The following CDKAL1 variants were observed in gnomAD, a reference collection of about 807,000 sequenced individuals.
The protein encoded by CDKAL1 is threonylcarbamoyladenosine tRNA methylthiotransferase.
A neutral mutation model predicts 68.2 loss-of-function variants in CDKAL1; 32 were observed. The observed-to-expected ratio is 0.47, with a 90% CI of 0.35 to 0.63. The LOEUF is 0.63. Among genes scored for constraint, CDKAL1 ranks in the 30% least tolerant of loss-of-function variants. The pLI is 0.00. For missense variants in CDKAL1, 606 were observed against 696.7 expected (o/e 0.87, Z 1.47); for synonymous variants, 234 against 244.3 (o/e 0.96, Z 0.39).
At chr6:21,063,421 A>G (rs540290511) in intron 11 of CDKAL1, among the ~76,000 whole-genome samples, 56 of 152,354 alleles carry the variant, frequency 3.7e-4, no homozygotes, top group African/African-American at 1.3e-3. Context: ...CAAGATGCCA[A>G]CATTTGGGCC....
At chr6:20,778,880 T>C (rs541935173) in intron 7 of CDKAL1, among the ~76,000 whole-genome samples, 2 of 152,272 alleles carry the variant, frequency 1.3e-5, no homozygotes, top group African/African-American at 4.8e-5. Flanking sequence ...AGTGTACCAA[T>C]TCAAATGTTA....
At chr6:21,191,190 T>A (rs1402234097) in intron 13 of CDKAL1, among the ~76,000 whole-genome samples, 1 of 152,242 alleles carries the variant, frequency 6.6e-6, no homozygotes, top group African/African-American at 2.4e-5. Context: ...TTATATAGCC[T>A]TGTAGAATAT....
intron 10 of CDKAL1, among the ~76,000 whole-genome samples, chr6:20,966,745 TA>T (rs1164218452): frequency 6.6e-6 from 1 of 152,216 alleles, no homozygotes; most frequent in African/African-American, 2.4e-5. Flanking sequence ...AAAATATTTT[TA>T]AAAGCATACT....
intron 15 of CDKAL1, 88 bp from the exon 16 acceptor site, chr6:21,230,760 C>T: frequency 9.4e-7 from 1 of 1,060,434 alleles, no homozygotes; most frequent in Non-Finnish European, 1.3e-6. Flanking sequence ...AAAGGCGGCA[C>T]CTTCTGGAAC....
chr6:21,098,534 CTT>C (rs34764667), intron 12 of CDKAL1, among the ~76,000 whole-genome samples: 2,881 of 80,998 alleles, frequency 0.036, 60 homozygotes, highest in African/African-American at 0.094. Flanking sequence ...GGGTACACAG[CTT>C]TTTTTTTTTT....
At chr6:20,581,572 C>T (rs1765145410) in intron 4 of CDKAL1, among the ~76,000 whole-genome samples, 1 of 151,726 alleles carries the variant, frequency 6.6e-6, no homozygotes, top group African/African-American at 2.4e-5. Context: ...CTTTTAATGC[C>T]ATTCTTTATG....
At chr6:20,764,763 C>T (rs923065781) in intron 7 of CDKAL1, among the ~76,000 whole-genome samples, 13 of 152,062 alleles carry the variant, frequency 8.5e-5, no homozygotes, top group African/African-American at 2.7e-4. Flanking sequence ...GGTATTGGAC[C>T]ACAAAAGCAC....
chr6:20,759,251 A>C (rs1425617134), intron 7 of CDKAL1, among the ~76,000 whole-genome samples: 1 of 152,176 alleles, frequency 6.6e-6, no homozygotes, highest in Non-Finnish European at 1.5e-5. Context: ...ATTTTAAGAT[A>C]AAGAAATTTT....
intron 13 of CDKAL1, among the ~76,000 whole-genome samples, chr6:21,179,454 C>G (rs143536898): frequency 7.2e-5 from 11 of 152,216 alleles, no homozygotes; most frequent in African/African-American, 2.6e-4. Flanking sequence ...GCATTTATTT[C>G]CCTGTATTTT....
chr6:21,132,326 G>A (rs1224615664), intron 13 of CDKAL1, among the ~76,000 whole-genome samples: 1 of 151,950 alleles, frequency 6.6e-6, no homozygotes, highest in Non-Finnish European at 1.5e-5. Flanking sequence ...TGTGATTTAC[G>A]CAGAATTTAT....
intron 9 of CDKAL1, among the ~76,000 whole-genome samples, chr6:20,853,917 T>C (rs1470052972): frequency 1.3e-5 from 2 of 152,202 alleles, no homozygotes; most frequent in African/African-American, 2.4e-5. Context: ...ACACAATCGT[T>C]GTTAATTTGC....
At chr6:21,205,954 C>T (rs570534018) in intron 15 of CDKAL1, among the ~76,000 whole-genome samples, 3 of 150,200 alleles carry the variant, frequency 2.0e-5, no homozygotes, top group Admixed American at 6.7e-5. Flanking sequence ...CCTGCCTCAA[C>T]CTCCCGAATA....
rs148509662 is a variant in CDKAL1 at position 20,784,960 on chromosome 6, A to G, written c.638+3695A>G. On this transcript the variant is annotated intron_variant, in intron 8 of 15. Transcript: ENST00000274695. ...CCATTTTCAATAGCCTTTAGGTAAAATTTTTTATGTATATTATTTGAATTT... is the reference window on the plus strand; with the variant it reads ...CCATTTTCAATAGCCTTTAGGTAAAGTTTTTTATGTATATTATTTGAATTT... Among the ~76,000 whole-genome samples the G allele has an allele frequency of 6.8e-3, 1,034 of 152,102 alleles. 13 individuals carry two copies. The highest frequency in any genetic ancestry group is 0.023 in the African/African-American group (975 of 41,520).
chr6:21,177,317 A>T (rs1411711291), intron 13 of CDKAL1, among the ~76,000 whole-genome samples: 2 of 152,118 alleles, frequency 1.3e-5, no homozygotes, highest in Non-Finnish European at 2.9e-5. Flanking sequence ...CTTAGATATC[A>T]TGATAATTAT....
At chr6:21,114,907 CTG>C (rs1004206703) in intron 13 of CDKAL1, among the ~76,000 whole-genome samples, 34 of 152,238 alleles carry the variant, frequency 2.2e-4, no homozygotes, top group Admixed American at 2.2e-3. Flanking sequence ...ACCTTAAGAA[CTG>C]TTGTTAATTC....
intron 15 of CDKAL1, among the ~76,000 whole-genome samples, chr6:21,227,100 C>T (rs955227364): frequency 6.6e-6 from 1 of 152,218 alleles, no homozygotes; most frequent in African/African-American, 2.4e-5. Flanking sequence ...AATTGACAAT[C>T]TTGATAAGGT....
At chr6:20,654,297 T>TG (rs1021114347) in intron 5 of CDKAL1, among the ~76,000 whole-genome samples, 29 of 147,358 alleles carry the variant, frequency 2.0e-4, no homozygotes, top group South Asian at 6.6e-4. Flanking sequence ...TCTATTTTTC[T>TG]GGTTTTTTTT....
intron 11 of CDKAL1, among the ~76,000 whole-genome samples, chr6:21,031,640 G>T (rs1053295483): frequency 2.0e-5 from 3 of 152,012 alleles, no homozygotes; most frequent in South Asian, 4.1e-4. Context: ...TTGGAAGGTA[G>T]AAGTCGGGAT....
intron 13 of CDKAL1, among the ~76,000 whole-genome samples, chr6:21,115,883 T>C (rs1313321190): frequency 6.6e-6 from 1 of 152,208 alleles, no homozygotes; most frequent in East Asian, 1.9e-4. Flanking sequence ...TAAAGTATCT[T>C]CCCTCTCAAA....
Sources: allele counts gnomAD v4.1 joint callset (sites outside exome capture counted in the v4.1 genomes callset), GRCh38; gene constraint gnomAD v4.1.1; transcripts MANE v1.5; gene names NCBI Gene and HGNC (gene_info 2026-07-23, HGNC 2026-07-21).